The following SLC9A9 variants were observed in gnomAD, a reference collection of about 807,000 sequenced individuals.
SLC9A9 encodes the protein solute carrier family 9 member A9.
In SLC9A9, 62 loss-of-function variants were observed where a neutral mutation model predicts 77.8. The ratio of observed to expected loss-of-function variants is 0.80; its 90% CI spans 0.65 to 0.98. The LOEUF is 0.98. Ranked by LOEUF, SLC9A9 falls within the 50% of genes least tolerant of loss-of-function variation. The pLI is 0.00. For missense variants in SLC9A9, 775 were observed against 774.9 expected (o/e 1.00, Z 0.00); for synonymous variants, 320 against 283.5 (o/e 1.13, Z -1.29).
intron 4 of SLC9A9, among the ~76,000 whole-genome samples, 154 bp from the exon 5 acceptor site, chr3:143,693,461 A>C (rs1933539512): frequency 6.6e-6 from 1 of 152,182 alleles, no homozygotes; most frequent in South Asian, 2.1e-4. Flanking sequence ...GTCTCTGTAC[A>C]CTGGAATCTC....
chr3:143,331,073 A>G (rs902391542), intron 14 of SLC9A9, among the ~76,000 whole-genome samples: 7 of 152,290 alleles, frequency 4.6e-5, no homozygotes, highest in East Asian at 1.9e-4. Context: ...AGCATTTTTT[A>G]TTCAAGTGGG....
intron 12 of SLC9A9, among the ~76,000 whole-genome samples, chr3:143,383,040 C>T (rs986134614): frequency 6.6e-6 from 1 of 152,204 alleles, no homozygotes; most frequent in Non-Finnish European, 1.5e-5. Flanking sequence ...TTATGCAATT[C>T]CCATAAGCAA....
At chr3:143,723,477 G>C (rs114009343) in intron 4 of SLC9A9, among the ~76,000 whole-genome samples, 2 of 152,044 alleles carry the variant, frequency 1.3e-5, no homozygotes, top group East Asian at 3.9e-4. Flanking sequence ...GGGGAGTGGG[G>C]ACACAAGATG....
intron 14 of SLC9A9, among the ~76,000 whole-genome samples, chr3:143,344,990 A>G: frequency 6.6e-6 from 1 of 152,334 alleles, no homozygotes; most frequent in Non-Finnish European, 1.5e-5. Context: ...GATTTCCATA[A>G]TAACTGGATG....
intron 9 of SLC9A9, among the ~76,000 whole-genome samples, chr3:143,502,021 C>T (rs1374653684): frequency 6.6e-6 from 1 of 150,908 alleles, no homozygotes; most frequent in African/African-American, 2.5e-5. Flanking sequence ...AAATCTTCCA[C>T]CCCAAAGCCA....
intron 14 of SLC9A9, among the ~76,000 whole-genome samples, chr3:143,309,345 C>G (rs17636599): frequency 6.6e-6 from 1 of 151,672 alleles, no homozygotes; most frequent in African/African-American, 2.4e-5. Context: ...TAAGGAAACA[C>G]CACAGCGTAC....
intron 4 of SLC9A9, among the ~76,000 whole-genome samples, chr3:143,761,901 T>C (rs527729163): frequency 7.2e-5 from 11 of 152,222 alleles, no homozygotes; most frequent in African/African-American, 2.2e-4. Flanking sequence ...CGTATGTTTA[T>C]TGCAGCACTA....
At chr3:143,583,173 T>C (rs1040191729) in intron 6 of SLC9A9, among the ~76,000 whole-genome samples, 1 of 151,756 alleles carries the variant, frequency 6.6e-6, no homozygotes, top group African/African-American at 2.4e-5. Context: ...AATAAAAATA[T>C]ATATAAATTA....
intron 12 of SLC9A9, among the ~76,000 whole-genome samples, chr3:143,437,113 T>G (rs4839594): frequency 0.11 from 16,963 of 152,276 alleles, 1,270 homozygotes; most frequent in Non-Finnish European, 0.16. Flanking sequence ...TCAGCAGGAC[T>G]AGGTCTACTT....
At chr3:143,566,571 T>C (rs1006026395) in intron 8 of SLC9A9, among the ~76,000 whole-genome samples, 73 of 151,372 alleles carry the variant, frequency 4.8e-4, no homozygotes, top group African/African-American at 1.7e-3. Flanking sequence ...TCTGGATGCC[T>C]GTTTTCTTAA....
At chr3:143,327,521 T>C (rs2031641293) in intron 14 of SLC9A9, among the ~76,000 whole-genome samples, 1 of 152,204 alleles carries the variant, frequency 6.6e-6, no homozygotes, top group African/African-American at 2.4e-5. Flanking sequence ...TTGATTCCAT[T>C]TCTTATGCCC....
At chr3:143,304,257 C>T (rs907472599) in intron 14 of SLC9A9, among the ~76,000 whole-genome samples, 2 of 152,196 alleles carry the variant, frequency 1.3e-5, no homozygotes, top group African/African-American at 4.8e-5. Flanking sequence ...AGATAGATGG[C>T]CTCAGGGAGA....
In SLC9A9 at chr3:143,548,244, T is replaced by A. The variant is rs188181805; in HGVS notation, c.1089+4118A>T. 1.5e-4 allele frequency among the ~76,000 whole-genome samples: 23 copies of A among 151,796 alleles called. No homozygotes were observed. The East Asian group carries it at 4.1e-3, about 27-fold the overall frequency. ...TCTCAGGCAAGGTAAATACAGCCGA[T>A]GGGAACACCCTGGAGTTTGGCGCAG... On this transcript the variant is annotated intron_variant, in intron 9 of 15. Transcript: ENST00000316549.
chr3:143,654,105 A>G (rs1318797547), intron 5 of SLC9A9, among the ~76,000 whole-genome samples: 1 of 152,226 alleles, frequency 6.6e-6, no homozygotes, highest in Admixed American at 6.5e-5. Context: ...TGTATTGTAC[A>G]CTTGAAAATT....
intron 4 of SLC9A9, among the ~76,000 whole-genome samples, chr3:143,738,547 T>C (rs1017662331): frequency 6.6e-6 from 1 of 152,134 alleles, no homozygotes; most frequent in South Asian, 2.1e-4. Context: ...CAACCAATCC[T>C]CCAGTTCTCT....
At chr3:143,349,480 A>T (rs1450413170) in intron 14 of SLC9A9, among the ~76,000 whole-genome samples, 2 of 152,244 alleles carry the variant, frequency 1.3e-5, no homozygotes, top group East Asian at 3.9e-4. Context: ...CAAGGACCTA[A>T]TTTTTCTAGG....
intron 12 of SLC9A9, among the ~76,000 whole-genome samples, chr3:143,413,117 G>T (rs759423866): frequency 6.6e-6 from 1 of 152,094 alleles, no homozygotes. Flanking sequence ...AGAGCAACGG[G>T]GTGTGGAATA....
chr3:143,390,818 C>T (rs1277895065), intron 12 of SLC9A9, among the ~76,000 whole-genome samples: 1 of 152,208 alleles, frequency 6.6e-6, no homozygotes, highest in African/African-American at 2.4e-5. Context: ...GGGCCTGGCT[C>T]AGAGGGTCCC....
At chr3:143,625,278 T>C (rs2108719057) in intron 6 of SLC9A9, among the ~76,000 whole-genome samples, 1 of 152,182 alleles carries the variant, frequency 6.6e-6, no homozygotes, top group East Asian at 1.9e-4. Context: ...AAAGTTCATA[T>C]GGAGCCAAAA....
Sources: allele counts gnomAD v4.1 joint callset (sites outside exome capture counted in the v4.1 genomes callset), GRCh38; gene constraint gnomAD v4.1.1; transcripts MANE v1.5; gene names NCBI Gene and HGNC (gene_info 2026-07-23, HGNC 2026-07-21).